HOXC5: variants seen among roughly 807,000 people sequenced by gnomAD.
The protein encoded by HOXC5 is homeobox C5, also known as homeobox protein Hox-C5.
HOXC5 carries 19 observed loss-of-function variants against 20.1 expected under a neutral mutation model. The ratio of observed to expected loss-of-function variants is 0.94; its 90% confidence interval spans 0.66 to 1.38. The LOEUF (loss-of-function observed/expected upper bound fraction) is 1.38. Ranked by LOEUF, HOXC5 falls within the 40% of genes most tolerant of loss-of-function variation. HOXC5 has a pLI of 0.00. For missense variants in HOXC5, 330 were observed against 300.1 expected (o/e 1.10, Z -0.74); for synonymous variants, 124 against 117.0 (o/e 1.06, Z -0.39).
upstream of HOXC5, chr12:54,029,665 C>T (rs757948540): frequency 2.2e-5 from 36 of 1,612,186 alleles, no homozygotes; most frequent in Non-Finnish European, 2.8e-5. Flanking sequence ...GGGTCGGCTA[C>T]GGAGCGGACC....
Position 54,033,487 on chromosome 12 carries a change from A to C in HOXC5, c.365A>C (p.Gln122Pro). 6.3e-7 allele frequency: 1 copy of C among 1,592,874 alleles called. No individual in the cohort carries two copies. The highest frequency in any genetic ancestry group is 8.5e-7 in the Non-Finnish European group (1 of 1,172,870). Residue 122 changes from glutamine to proline, a missense_variant, in exon 1 of 2, where the codon CAG becomes CCG. Gln to Pro is a moderately conservative substitution (Grantham distance 76, BLOSUM62 -1). Coordinates refer to ENST00000312492, the MANE Select transcript of HOXC5 (RefSeq NM_018953.4). ...AGCAGTGGGGAGATCAAAGAGGAGCAGGCGCAGACAGGGCAGCCCGCCGGA... is the reference window on the plus strand; with the variant it reads ...AGCAGTGGGGAGATCAAAGAGGAGCCGGCGCAGACAGGGCAGCCCGCCGGA... ...AKSSGEIKEE[Q>P]AQTGQPAGLS...
In HOXC5 at chr12:54,034,731, G is replaced by A. The variant is rs1418813938; in HGVS notation, c.*239G>A. On this transcript the variant is annotated 3_prime_UTR_variant, in exon 2 of 2. Coordinates refer to ENST00000312492, the MANE Select transcript of HOXC5 (RefSeq NM_018953.4). ...AGCTCGGCTCAGCTCGGTACCCGGG[G>A]CCCAGGGCAAGCTCCGCAGGACTTC... 8 of 524,200 alleles carry A rather than the reference G, an allele frequency of 1.5e-5. No individual in the cohort carries two copies. Among genetic ancestry groups the A allele is most frequent in the Non-Finnish European group, 2.8e-5 (8 of 289,804 alleles). 32.5% of individuals were successfully genotyped at this position (524,200 alleles called of 1,614,324 possible). A position where few individuals can be genotyped will look rare whatever the true frequency, so the allele number is the denominator to read the frequency against.
chr12:54,027,829 A>G, the HOXC5 span, among the ~76,000 whole-genome samples: 1 of 152,016 alleles, frequency 6.6e-6, no homozygotes, highest in Non-Finnish European at 1.5e-5. Context: ...CCACATCCCT[A>G]CTACATTCAA....
At chr12:54,018,251 C>T in the HOXC5 span, among the ~76,000 whole-genome samples, 1 of 152,256 alleles carries the variant, frequency 6.6e-6, no homozygotes, top group African/African-American at 2.4e-5. Flanking sequence ...CGGCGCCCCT[C>T]ACCCCCAGCC....
In HOXC5 at chr12:54,033,235, A is replaced by C. The variant is rs746568160; in HGVS notation, c.113A>C (p.Tyr38Ser). The C allele has an allele frequency of 6.2e-7, 1 of 1,614,086 alleles. No homozygotes were observed. The highest frequency in any genetic ancestry group is 8.5e-7 in the Non-Finnish European group (1 of 1,180,046). ...GCCTCAGAGGTGCAGGCATCCAGGT[A>C]CTGCTACGGCGGATTGGACTTAAGC... ...GSASEVQASR[Y>S]CYGGLDLSIT... The change falls in exon 1 of 2, where the codon TAC (tyrosine) becomes TCC (serine). Residue 38 changes from tyrosine to serine, a missense_variant. Transcript: ENST00000312492.
At chr12:54,017,964 A>G in the HOXC5 span, among the ~76,000 whole-genome samples, 9 of 152,030 alleles carry the variant, frequency 5.9e-5, no homozygotes, top group African/African-American at 2.2e-4. Context: ...GTGTGGGCCC[A>G]GGGCCGGGCC....
chr12:54,029,199 G>A (rs1940871067), upstream of HOXC5, among the ~76,000 whole-genome samples: 1 of 152,158 alleles, frequency 6.6e-6, no homozygotes, highest in African/African-American at 2.4e-5. Flanking sequence ...CAGAAGATAG[G>A]GGAGCCCCCC....
chr12:54,017,693 G>A, the HOXC5 span, among the ~76,000 whole-genome samples: 1 of 152,090 alleles, frequency 6.6e-6, no homozygotes, highest in East Asian at 1.9e-4. Context: ...TCAAGCCGGC[G>A]GTCTAGGGCG....
chr12:54,021,235 T>C, the HOXC5 span: 1 of 152,212 alleles, frequency 6.6e-6, no homozygotes, highest in Non-Finnish European at 1.5e-5. Flanking sequence ...TTTGCCTGCA[T>C]CCGTGGCGGC....
the HOXC5 span, among the ~76,000 whole-genome samples, chr12:54,023,033 A>C: frequency 4.6e-5 from 7 of 152,200 alleles, no homozygotes; most frequent in Non-Finnish European, 1.0e-4. Context: ...TGGGCCAAGC[A>C]GGGCCACTTG....
In HOXC5 at chr12:54,033,328, C is replaced by G; in HGVS notation, c.206C>G (p.Ala69Gly). The change falls in exon 1 of 2, where the codon GCT becomes GGT. Residue 69 changes from alanine to glycine, a missense_variant. Transcript: ENST00000312492. ...GTAGACATGGCTGCCAACCCCCGGG[C>G]TCACCCCGACCGCCCCGCCTGCAGC... ...HGVDMAANPR[A>G]HPDRPACSAA... 1 of 1,613,528 alleles carries G rather than the reference C, an allele frequency of 6.2e-7. No homozygotes were observed. Among genetic ancestry groups the G allele is most frequent in the Non-Finnish European group, 8.5e-7 (1 of 1,179,762 alleles).
At chr12:54,028,365 C>T (rs1249952274), upstream of HOXC5, 13 of 714,558 alleles carry the variant, frequency 1.8e-5, no homozygotes, top group Non-Finnish European at 2.7e-5. Flanking sequence ...CCCTTCCTGA[C>T]ATCTGGCTTG....
At chr12:54,026,533 A>G in the HOXC5 span, among the ~76,000 whole-genome samples, 1 of 152,192 alleles carries the variant, frequency 6.6e-6, no homozygotes, top group East Asian at 1.9e-4. Flanking sequence ...AGAAAGTGTG[A>G]TCTAGAAGGA....
the HOXC5 span, among the ~76,000 whole-genome samples, chr12:54,026,746 G>A: frequency 3.9e-5 from 6 of 152,146 alleles, no homozygotes; most frequent in Non-Finnish European, 7.3e-5. Flanking sequence ...TTTTGGGTTC[G>A]AAACTTTATT....
At chr12:54,032,887 G>T, upstream of HOXC5, 1 of 370,742 alleles carries the variant, frequency 2.7e-6, no homozygotes, top group South Asian at 6.3e-5. Context: ...GATGCTTTTC[G>T]CCGGCTTCCA....
At chr12:54,018,798 T>G in the HOXC5 span, among the ~76,000 whole-genome samples, 3 of 152,044 alleles carry the variant, frequency 2.0e-5, no homozygotes, top group Admixed American at 6.5e-5. Flanking sequence ...CGAGAGAACC[T>G]GGGGGCCAGA....
chr12:54,028,769 T>G, upstream of HOXC5: 2 of 1,614,038 alleles, frequency 1.2e-6, no homozygotes, highest in South Asian at 2.2e-5. Context: ...GAGAAAGACA[T>G]GCTCTCAAAC....
intron 1 of HOXC5, chr12:54,034,057 C>T (rs1460168060): frequency 1.7e-5 from 12 of 706,040 alleles, no homozygotes; most frequent in Middle Eastern, 2.4e-4. Context: ...TCAGCCCCTC[C>T]GGCTGCAGAG....
At chr12:54,029,392 C>G (rs1424270423), upstream of HOXC5, among the ~76,000 whole-genome samples, 1 of 139,866 alleles carries the variant, frequency 7.1e-6, no homozygotes, top group Non-Finnish European at 1.5e-5. Context: ...TTTCTGTTTG[C>G]CTTTTGCCCC....
Sources: allele counts gnomAD v4.1 joint callset (sites outside exome capture counted in the v4.1 genomes callset), GRCh38; gene constraint gnomAD v4.1.1; transcripts MANE v1.5; gene names NCBI Gene and HGNC (gene_info 2026-07-23, HGNC 2026-07-21).